The following ENGASE variants were observed in gnomAD, a reference collection of about 807,000 sequenced individuals.
The protein encoded by ENGASE is endo-beta-N-acetylglucosaminidase, also known as cytosolic endo-beta-N-acetylglucosaminidase.
Under a neutral mutation model 78.5 loss-of-function variants are expected in ENGASE, and 69 were observed. That is an observed-to-expected ratio of 0.88 (90% confidence interval 0.72 to 1.07). The LOEUF is 1.07. Ranked by LOEUF, ENGASE falls within the 50% of genes least tolerant of loss-of-function variation. ENGASE has a pLI of 0.00. For synonymous variants in ENGASE, 408 were observed against 408.9 expected (o/e 1.00, Z 0.03); for missense variants, 943 against 988.4 (o/e 0.95, Z 0.62).
At chr17:79,080,515 C>T in intron 5 of ENGASE, 151 bp downstream of exon 5, 1 of 888,202 alleles carries the variant, frequency 1.1e-6, no homozygotes, top group East Asian at 2.7e-5. Context: ...AGTGCCAACT[C>T]TGAAATCTTA....
intron 3 of ENGASE, among the ~76,000 whole-genome samples, chr17:79,078,526 T>C (rs2073025937): frequency 6.6e-6 from 1 of 152,146 alleles, no homozygotes. Flanking sequence ...CGTGGTTTGG[T>C]GTTCGTCACC....
chr17:79,079,355 A>G (rs1449310387), intron 3 of ENGASE, 134 bp from the exon 4 acceptor site: 1 of 953,804 alleles, frequency 1.0e-6, no homozygotes, highest in African/African-American at 1.7e-5. Flanking sequence ...GTGGGGAGAG[A>G]TGGGGTTTTG....
Position 79,083,356 on chromosome 17 carries a change from GTCC to G in ENGASE, c.1143-121_1143-119del. On this transcript the variant is annotated intron_variant, in intron 8 of 13. Coordinates refer to ENST00000579016, the MANE Select transcript of ENGASE (RefSeq NM_001042573.3). This position sits in a 1 kb window ranked among gnomAD's most constrained non-coding sequence, Gnocchi z 4.9. ...CGTATCTGTAGACGGGGAGGCTGCAGTCCTCCTGGAAGTCCTGTCTTGGAGGGT... is the reference window on the plus strand; with the variant it reads ...CGTATCTGTAGACGGGGAGGCTGCAGTCCTGGAAGTCCTGTCTTGGAGGGT... The G allele has an allele frequency of 1.3e-6, 1 of 749,908 alleles. No individual in the cohort carries two copies. 46.5% of individuals were successfully genotyped at this position (749,908 alleles called of 1,614,324 possible).
rs771756312 is a variant in ENGASE, at chr17:79,086,154, G to C, written c.2037G>C (p.Pro679=). 1 of 1,613,794 alleles carries C rather than the reference G, an allele frequency of 6.2e-7. No homozygotes were observed. Among genetic ancestry groups the C allele is most frequent in the South Asian group, 1.1e-5 (1 of 91,092 alleles). ...MSDDSPGREL[P]RPEMPMFLGL... ...ATGACTCTCCGGGCAGGGAGCTGCC[G>C]AGGCCAGAGATGCCCATGTTCCTGG... The change falls in exon 14 of 14, where the codon CCG becomes CCC. Residue 679 remains proline (P), a synonymous_variant. Transcript: ENST00000579016.
chr17:79,080,486 C>A, intron 5 of ENGASE, 122 bp downstream of exon 5: 1 of 1,119,706 alleles, frequency 8.9e-7, no homozygotes. Context: ...CAGTAAGAGC[C>A]ACTTCTCGCC....
rs779130522 is a variant in ENGASE, at chr17:79,079,620, A to G, written c.548A>G (p.His183Arg). The G allele has an allele frequency of 5.5e-5, 88 of 1,613,520 alleles. 1 individual carries two copies. Among genetic ancestry groups the G allele is most frequent in the Middle Eastern group, 5.0e-4 (3 of 6,058 alleles). The change falls in exon 4 of 14, where the codon CAT becomes CGT. Residue 183 changes from histidine to arginine, a missense_variant. By Grantham distance (29) the His-to-Arg change is conservative (BLOSUM62 0). Coordinates refer to ENST00000579016, the MANE Select transcript of ENGASE (RefSeq NM_001042573.3). ...GGCTGGACCAACACTGCCCACAGGC[A>G]TGGGGTCTGCGTGCTGGGTAAGAGC... ...PVGWTNTAHR[H>R]GVCVLGTFIT...
rs8076010 is a variant in ENGASE, at chr17:79,074,920, C to G, written c.-25C>G. 0.27 allele frequency: 345,458 copies of G among 1,257,252 alleles called. 50,516 individuals carry two copies. The highest frequency in any genetic ancestry group is 0.61 in the East Asian group (20,139 of 33,252). The allele number at this position is 1,257,252 out of a possible 1,614,324, so 77.9% of individuals were successfully genotyped here. A position where few individuals can be genotyped will look rare whatever the true frequency, so the allele number is the denominator to read the frequency against. On this transcript the variant is annotated 5_prime_UTR_variant, in exon 1 of 14. Transcript: ENST00000579016. ...GGGGGCGGGCCCGGGCCTGCGATTG[C>G]CTCTCGGCGTGCGCGGACAGTGTCA...
At chr17:79,084,885 T>G (rs1257682004) in intron 11 of ENGASE, among the ~76,000 whole-genome samples, 199 bp downstream of exon 11, 1 of 152,130 alleles carries the variant, frequency 6.6e-6, no homozygotes, top group Non-Finnish European at 1.5e-5. Flanking sequence ...CTCTGTCCTG[T>G]GTCCTCGTCG....
In ENGASE at chr17:79,077,870, G is replaced by T. The variant is rs1228284596; in HGVS notation, c.416+6G>T. ...GGCGGGTACCTGGATGACAGGTGAG[G>T]ACCTGGCCTTACATTGATGTTGCTT... On this transcript the variant is annotated splice_donor_region_variant and intron_variant, in intron 3 of 13. Transcript: ENST00000579016. 9 of 1,577,162 alleles carry T rather than the reference G, an allele frequency of 5.7e-6. No individual in the cohort carries two copies. The highest frequency in any genetic ancestry group is 1.1e-5 in the South Asian group (1 of 90,526).
At position 79,084,609 on chromosome 17, in the gene ENGASE, C is replaced by T. The variant is rs1232770384; in HGVS notation, c.1514C>T (p.Thr505Met). 49 of 1,611,596 alleles carry T rather than the reference C, an allele frequency of 3.0e-5. No individual in the cohort carries two copies. The highest frequency in any genetic ancestry group is 3.4e-5 in the Admixed American group (2 of 59,312). ...LSMVYKLEGP[T>M]DVTVALELTT... ...ATGGTGTATAAGCTTGAGGGGCCCA[C>T]GGACGTCACAGTTGCTTTGGAGCTG... is the stretch of plus-strand genomic sequence containing the variant. The change falls in exon 11 of 14, where the codon ACG (threonine) becomes ATG (methionine). Residue 505 changes from threonine to methionine, a missense_variant. Coordinates refer to ENST00000579016, the MANE Select transcript of ENGASE (RefSeq NM_001042573.3).
Position 79,085,323 on chromosome 17 carries a change from A to T in ENGASE, c.1681A>T (p.Ser561Cys), listed in dbSNP as rs1285035707. 6.2e-7 allele frequency: 1 copy of T among 1,612,048 alleles called. No individual in the cohort carries two copies. The highest frequency in any genetic ancestry group is 1.7e-5 in the Admixed American group (1 of 59,844). ...GGTGGGCCGCTGCGGCCGGCAGCTG[A>T]GTGGGGGCTGGGTCCAGCAGTAAGT... is the stretch of plus-strand genomic sequence containing the variant. ...RWVGRCGRQL[S>C]GGWVQHCYEV... Residue 561 changes from serine to cysteine, a missense_variant, in exon 12 of 14, where the codon AGT becomes TGT. Physicochemically the swap from Ser to Cys is moderately radical, Grantham distance 112. Transcript: ENST00000579016.
chr17:79,080,840 C>A (rs925055057), intron 5 of ENGASE, 85 bp from the exon 6 acceptor site: 2 of 1,498,568 alleles, frequency 1.3e-6, no homozygotes, highest in Non-Finnish European at 8.9e-7. Flanking sequence ...TGCTCTGCAT[C>A]CCCCTGTCTG....
chr17:79,085,220 G>T lies in ENGASE; in HGVS notation c.1592-14G>T. 1 of 1,603,620 alleles carries T rather than the reference G, an allele frequency of 6.2e-7. No homozygotes were observed. Among genetic ancestry groups the T allele is most frequent in the Non-Finnish European group, 8.5e-7 (1 of 1,170,860 alleles). On this transcript the variant is annotated splice_polypyrimidine_tract_variant and intron_variant, in intron 11 of 13. Coordinates refer to ENST00000579016, the MANE Select transcript of ENGASE (RefSeq NM_001042573.3). The stretch of plus-strand genomic sequence containing the variant: ...GAGATTCTCCTTTTTCAAGTTCCGT[G>T]TCTCCTTCTGCAGCAGAAACAAGCT...
In ENGASE at chr17:79,079,576, C is replaced by T. The variant is rs201649577; in HGVS notation, c.504C>T (p.Thr168=). The T allele has an allele frequency of 7.3e-5, 118 of 1,613,958 alleles. No individual in the cohort carries two copies. Among genetic ancestry groups the T allele is most frequent in the Non-Finnish European group, 9.0e-5 (106 of 1,180,024 alleles). The change falls in exon 4 of 14, where the codon ACC becomes ACT. Residue 168 remains threonine, a synonymous_variant. Coordinates refer to ENST00000579016, the MANE Select transcript of ENGASE (RefSeq NM_001042573.3). ...IDVFVYFSHH[T]VTIPPVGWTN... ...TCTTTGTGTACTTCAGCCACCACACCGTCACCATTCCCCCAGTGGGCTGGA... is the reference window on the plus strand; with the variant it reads ...TCTTTGTGTACTTCAGCCACCACACTGTCACCATTCCCCCAGTGGGCTGGA...
chr17:79,079,206 C>T (rs1341121944), intron 3 of ENGASE, among the ~76,000 whole-genome samples: 2 of 152,180 alleles, frequency 1.3e-5, no homozygotes, highest in Non-Finnish European at 2.9e-5. Flanking sequence ...CTCTGTCACC[C>T]AGGCTGGAGT....
In ENGASE at chr17:79,083,185, T is replaced by A; in HGVS notation, c.1142+62T>A. The A allele has an allele frequency of 8.1e-7, 1 of 1,239,142 alleles. No homozygotes were observed. Among genetic ancestry groups the A allele is most frequent in the Non-Finnish European group, 1.2e-6 (1 of 852,634 alleles). The allele number at this position is 1,239,142 out of a possible 1,614,324, so 76.8% of individuals were successfully genotyped here. A position where few individuals can be genotyped will look rare whatever the true frequency, so the allele number is the denominator to read the frequency against. On this transcript the variant is annotated intron_variant, in intron 8 of 13. Transcript: ENST00000579016. This position sits in a 1 kb window ranked among gnomAD's most constrained non-coding sequence, Gnocchi z 4.9. ...ATGGGAGGGAGGGGTTTCTGGTGTC[T>A]CTGATAGGACACGTTTGTGCTCTTT...
chr17:79,077,865 G>C lies in ENGASE; in HGVS notation c.416+1G>C. On this transcript the variant is annotated splice_donor_variant, in intron 3 of 13. Coordinates refer to ENST00000579016, the MANE Select transcript of ENGASE (RefSeq NM_001042573.3). LOFTEE classifies it high-confidence loss of function. ...TGATGGGCGGGTACCTGGATGACAG[G>C]TGAGGACCTGGCCTTACATTGATGT... 6.2e-7 allele frequency: 1 copy of C among 1,605,276 alleles called. No homozygotes were observed. Among genetic ancestry groups the C allele is most frequent in the South Asian group, 1.1e-5 (1 of 90,898 alleles).
intron 7 of ENGASE, 88 bp from the exon 8 acceptor site, chr17:79,082,932 C>T: frequency 6.3e-7 from 1 of 1,581,088 alleles, no homozygotes; most frequent in Non-Finnish European, 8.6e-7. Flanking sequence ...CTGAGCTGCC[C>T]TGAGAGCCCC....
At position 79,077,884 on chromosome 17, in the gene ENGASE, T is replaced by C. The variant is rs780738708; in HGVS notation, c.416+20T>C. ...TGACAGGTGAGGACCTGGCCTTACA[T>C]TGATGTTGCTTACATTGTTCTCCTT... On this transcript the variant is annotated intron_variant, in intron 3 of 13. Coordinates refer to ENST00000579016, the MANE Select transcript of ENGASE (RefSeq NM_001042573.3). 5.6e-6 allele frequency: 9 copies of C among 1,601,146 alleles called. No individual in the cohort carries two copies. The highest frequency in any genetic ancestry group is 2.7e-5 in the African/African-American group (2 of 74,684).
Sources: gnomAD v4.1 joint callset for allele counts (sites outside exome capture counted in the v4.1 genomes callset) on GRCh38, gnomAD v4.1.1 for gene constraint, Gnocchi (gnomAD v3.1) non-coding constraint, MANE v1.5 for transcripts, NCBI Gene and HGNC (gene_info 2026-07-23, HGNC 2026-07-21) for gene names.